Variants in TMTC2 observed in about 807,000 individuals in gnomAD.
TMTC2 encodes transmembrane O-mannosyltransferase targeting cadherins 2.
In TMTC2, 43 loss-of-function variants were observed where a neutral mutation model predicts 82.4. The observed-to-expected ratio is 0.52, with a 90% CI of 0.41 to 0.67. The LOEUF (loss-of-function observed/expected upper bound fraction) is 0.67. Among genes scored for constraint, TMTC2 ranks in the 30% least tolerant of loss-of-function variants. The pLI, the probability that TMTC2 is intolerant of heterozygous loss-of-function variation, is 0.00. For missense variants in TMTC2, 919 were observed against 1,012.4 expected (o/e 0.91, Z 1.25); for synonymous variants, 408 against 381.9 (o/e 1.07, Z -0.80).
At chr12:83,005,219 AAAAAAG>A (rs367715336) in intron 8 of TMTC2, among the ~76,000 whole-genome samples, 23,022 of 100,498 alleles carry the variant, frequency 0.23, 2,601 homozygotes, top group Non-Finnish European at 0.3. Flanking sequence ...AAAAAAAAAA[AAAAAAG>A]GGGAGAGAGA....
intron 1 of TMTC2, among the ~76,000 whole-genome samples, chr12:82,782,768 A>G (rs932051444): frequency 6.6e-6 from 1 of 152,150 alleles, no homozygotes; most frequent in Non-Finnish European, 1.5e-5. Flanking sequence ...GTGGATGGCT[A>G]TTTGTGGCGT....
chr12:82,818,237 C>G (rs1051226818), intron 1 of TMTC2, among the ~76,000 whole-genome samples: 1 of 152,034 alleles, frequency 6.6e-6, no homozygotes, highest in Non-Finnish European at 1.5e-5. Flanking sequence ...TATGGAAAAG[C>G]AGAATTCCAA....
At chr12:82,920,424 A>T (rs1875318678) in intron 3 of TMTC2, among the ~76,000 whole-genome samples, 1 of 152,204 alleles carries the variant, frequency 6.6e-6, no homozygotes. Context: ...TCTTTAGAAC[A>T]ACTTCAGCAA....
intron 1 of TMTC2, among the ~76,000 whole-genome samples, chr12:82,818,949 T>C (rs1868911353): frequency 6.6e-6 from 1 of 152,104 alleles, no homozygotes; most frequent in Non-Finnish European, 1.5e-5. Flanking sequence ...TATTTTTTTT[T>C]CTGTTTTTAA....
At chr12:82,766,583 T>G (rs536408812) in intron 1 of TMTC2, among the ~76,000 whole-genome samples, 1 of 152,184 alleles carries the variant, frequency 6.6e-6, no homozygotes, top group Non-Finnish European at 1.5e-5. Flanking sequence ...TAGTTGCATT[T>G]TTTAGCCTAC....
chr12:82,907,215 G>A (rs1046345756), intron 3 of TMTC2, among the ~76,000 whole-genome samples: 8 of 151,984 alleles, frequency 5.3e-5, no homozygotes, highest in African/African-American at 1.9e-4. Context: ...TATAATACCA[G>A]CACTTTGGGA....
chr12:82,803,270 C>T (rs1879093258), intron 1 of TMTC2, among the ~76,000 whole-genome samples: 1 of 152,122 alleles, frequency 6.6e-6, no homozygotes, highest in African/African-American at 2.4e-5. Flanking sequence ...ATTAAGACAG[C>T]TGAGTTTGTT....
chr12:82,853,077 T>C (rs1338007224), intron 1 of TMTC2, among the ~76,000 whole-genome samples: 1 of 152,116 alleles, frequency 6.6e-6, no homozygotes, highest in Non-Finnish European at 1.5e-5. Context: ...TTTTTCCATG[T>C]AAATTTAGGG....
chr12:82,926,065 A>G (rs902116336), intron 3 of TMTC2, among the ~76,000 whole-genome samples: 6 of 148,584 alleles, frequency 4.0e-5, no homozygotes, highest in African/African-American at 1.5e-4. Flanking sequence ...CACTGCAACC[A>G]CTGCCTCCCG....
At chr12:82,916,454 G>T (rs1164292629) in intron 3 of TMTC2, among the ~76,000 whole-genome samples, 1 of 152,166 alleles carries the variant, frequency 6.6e-6, no homozygotes, top group East Asian at 1.9e-4. Flanking sequence ...TTTGCATAGA[G>T]AAGAAATGGA....
chr12:83,092,975 T>C (rs1883892846), intron 11 of TMTC2, among the ~76,000 whole-genome samples: 1 of 152,228 alleles, frequency 6.6e-6, no homozygotes, highest in Admixed American at 6.5e-5. Context: ...GTGTTCAGTA[T>C]TTAAATATCA....
At chr12:82,840,751 C>T (rs1218284289) in intron 1 of TMTC2, among the ~76,000 whole-genome samples, 2 of 152,118 alleles carry the variant, frequency 1.3e-5, no homozygotes, top group East Asian at 3.9e-4. Context: ...TATACCATCA[C>T]TTGAGATTTT....
chr12:82,750,385 A>G (rs1875923066), intron 1 of TMTC2, among the ~76,000 whole-genome samples: 1 of 152,098 alleles, frequency 6.6e-6, no homozygotes, highest in South Asian at 2.1e-4. Flanking sequence ...CATGTTTTTG[A>G]GAAGTGACCT....
At chr12:82,838,633 A>C (rs1363307731) in intron 1 of TMTC2, among the ~76,000 whole-genome samples, 1 of 152,238 alleles carries the variant, frequency 6.6e-6, no homozygotes, top group Admixed American at 6.5e-5. Flanking sequence ...GGTCTTTTAC[A>C]TTCCAGATGA....
intron 9 of TMTC2, among the ~76,000 whole-genome samples, chr12:83,038,272 A>G (rs1251998729): frequency 1.3e-5 from 2 of 152,068 alleles, no homozygotes; most frequent in Non-Finnish European, 2.9e-5. Context: ...ATGTACCCTA[A>G]AACTTAAAGT....
intron 11 of TMTC2, among the ~76,000 whole-genome samples, chr12:83,098,140 A>T (rs1884093918): frequency 6.6e-6 from 1 of 152,220 alleles, no homozygotes; most frequent in Non-Finnish European, 1.5e-5. Flanking sequence ...CATGCTGCAG[A>T]GGGGATGGTT....
chr12:82,872,708 T>C (rs1872264964), intron 2 of TMTC2, among the ~76,000 whole-genome samples: 1 of 152,188 alleles, frequency 6.6e-6, no homozygotes, highest in Admixed American at 6.5e-5. Context: ...TCTAATGGTG[T>C]CCTAAATTGT....
chr12:82,971,951 C>T (rs1188070747), intron 7 of TMTC2, among the ~76,000 whole-genome samples: 1 of 152,060 alleles, frequency 6.6e-6, no homozygotes, highest in Non-Finnish European at 1.5e-5. Flanking sequence ...TTTAGGGCCT[C>T]TCTGTAATAA....
intron 3 of TMTC2, among the ~76,000 whole-genome samples, chr12:82,912,135 C>A (rs935889972): frequency 1.3e-5 from 2 of 152,088 alleles, no homozygotes; most frequent in African/African-American, 4.8e-5. Flanking sequence ...GCATTAATAT[C>A]TTTTTTGGAA....
Sources: allele counts gnomAD v4.1 joint callset (sites outside exome capture counted in the v4.1 genomes callset), GRCh38; gene constraint gnomAD v4.1.1; transcripts MANE v1.5; gene names NCBI Gene and HGNC (gene_info 2026-07-23, HGNC 2026-07-21).